Variants in IFT80 observed in about 807,000 individuals in gnomAD.
The protein encoded by IFT80 is intraflagellar transport protein 80 homolog.
Under a neutral mutation model 107.9 loss-of-function variants are expected in IFT80, and 79 were observed. The observed-to-expected ratio is 0.73, with a 90% CI of 0.61 to 0.88. IFT80 has a LOEUF of 0.88. Ranked by LOEUF, IFT80 falls within the 40% of genes least tolerant of loss-of-function variation. IFT80 has a pLI of 0.00. For missense variants in IFT80, 797 were observed against 914.2 expected (o/e 0.87, Z 1.65); for synonymous variants, 299 against 300.9 (o/e 0.99, Z 0.07).
chr3:160,356,560 G>T (rs767399768), intron 7 of IFT80, among the ~76,000 whole-genome samples: 1 of 152,010 alleles, frequency 6.6e-6, no homozygotes, highest in Non-Finnish European at 1.5e-5. Context: ...TCACTCTGTG[G>T]CCCAGGCTGG....
intron 13 of IFT80, 91 bp downstream of exon 13, chr3:160,285,713 T>G: frequency 1.1e-6 from 1 of 907,930 alleles, no homozygotes; most frequent in Non-Finnish European, 1.7e-6. Flanking sequence ...AACTAATTCC[T>G]TTGTGTCCTC....
intron 13 of IFT80, among the ~76,000 whole-genome samples, chr3:160,284,743 T>C (rs1474775295): frequency 1.3e-5 from 2 of 151,948 alleles, no homozygotes; most frequent in Non-Finnish European, 2.9e-5. Context: ...GGAAAAAGGG[T>C]TGGGAAAGCA....
rs1414348660 is a variant in IFT80 at position 160,319,842 on chromosome 3, T to C, written c.875A>G (p.His292Arg). Residue 292 changes from histidine to arginine, a missense_variant, in exon 9 of 20, where the codon CAT (histidine) becomes CGT (arginine). Physicochemically the swap from His to Arg is conservative, Grantham distance 29. Coordinates refer to ENST00000326448, the MANE Select transcript of IFT80 (RefSeq NM_020800.3). Reference sequence around the variant, plus strand: ...TTCCACCACATGTGCAAAAACGACATGTCCATTTCCACAGGCTCCAGCAAT... The same window carrying C: ...TTCCACCACATGTGCAAAAACGACACGTCCATTTCCACAGGCTCCAGCAAT... ...TQIAGACGNG[H>R]VVFAHVVEQH... The C allele has an allele frequency of 3.1e-6, 5 of 1,612,934 alleles. No individual in the cohort carries two copies. The East Asian group carries it at 6.7e-5, about 22-fold the overall frequency.
intron 9 of IFT80, among the ~76,000 whole-genome samples, chr3:160,317,732 A>T (rs1298950199): frequency 1.3e-5 from 2 of 152,104 alleles, no homozygotes; most frequent in Non-Finnish European, 2.9e-5. Context: ...CACATGATGG[A>T]GATACAATCA....
chr3:160,321,137 T>C (rs111422624), intron 8 of IFT80, among the ~76,000 whole-genome samples: 1 of 151,958 alleles, frequency 6.6e-6, no homozygotes, highest in Non-Finnish European at 1.5e-5. Flanking sequence ...AACTTCCTTT[T>C]AGAAAATTAA....
intron 5 of IFT80, among the ~76,000 whole-genome samples, chr3:160,374,749 G>A (rs765422335): frequency 2.6e-5 from 4 of 152,132 alleles, no homozygotes; most frequent in Non-Finnish European, 4.4e-5. Flanking sequence ...TGCCTACTAG[G>A]AGATTAAAGT....
chr3:160,311,577 A>C (rs1013777064), intron 9 of IFT80, among the ~76,000 whole-genome samples: 3 of 152,198 alleles, frequency 2.0e-5, no homozygotes, highest in African/African-American at 2.4e-5. Flanking sequence ...AGGAGGAATG[A>C]CTGTAAAGAG....
intron 8 of IFT80, among the ~76,000 whole-genome samples, chr3:160,330,562 AGT>A (rs1382527769): frequency 1.3e-5 from 2 of 152,142 alleles, no homozygotes; most frequent in African/African-American, 4.8e-5. Context: ...TTCAAACTTC[AGT>A]GTGCATCAGA....
chr3:160,293,149 G>A (rs1472461524), intron 12 of IFT80, among the ~76,000 whole-genome samples: 2 of 152,192 alleles, frequency 1.3e-5, no homozygotes, highest in Non-Finnish European at 2.9e-5. Flanking sequence ...AAGAGGCTCA[G>A]AGCAAAAGAA....
chr3:160,294,532 TC>T (rs1203893433), intron 12 of IFT80, among the ~76,000 whole-genome samples: 2 of 152,250 alleles, frequency 1.3e-5, no homozygotes, highest in African/African-American at 4.8e-5. Context: ...ACTTTTGGCA[TC>T]GCACTAACTC....
chr3:160,268,612 G>A, intron 18 of IFT80, 76 bp from the exon 19 acceptor site: 1 of 1,396,896 alleles, frequency 7.2e-7, no homozygotes, highest in Non-Finnish European at 1.0e-6. Flanking sequence ...TGGAGTTGGG[G>A]ATAAGACAAA....
Sources: gnomAD v4.1 joint callset for allele counts (sites outside exome capture counted in the v4.1 genomes callset) on GRCh38, gnomAD v4.1.1 for gene constraint, MANE v1.5 for transcripts, NCBI Gene and HGNC (gene_info 2026-07-23, HGNC 2026-07-21) for gene names.